Variants in CRHR1 observed in about 807,000 individuals in gnomAD.
CRHR1 encodes corticotropin releasing hormone receptor 1, also known as corticotropin-releasing hormone receptor 1.
Under a neutral mutation model 56.0 loss-of-function variants are expected in CRHR1, and 28 were observed. That is an observed-to-expected ratio of 0.50 (90% CI 0.37 to 0.69). The LOEUF (loss-of-function observed/expected upper bound fraction) is 0.69, where lower values mean the gene tolerates loss of function less well. Among genes scored for constraint, CRHR1 ranks in the 30% least tolerant of loss-of-function variants. The pLI, the probability that CRHR1 is intolerant of heterozygous loss-of-function variation, is 0.00. For missense variants in CRHR1, 376 were observed against 548.0 expected (o/e 0.69, Z 3.13); for synonymous variants, 195 against 216.5 (o/e 0.90, Z 0.87).
rs1043118565 is a variant in CRHR1, at chr17:45,834,807, G to A, written c.*43G>A. On this transcript the variant is annotated 3_prime_UTR_variant, in exon 13 of 13. Coordinates refer to ENST00000314537, the MANE Select transcript of CRHR1 (RefSeq NM_004382.5). ...CAGCCCCCAAAGAGCTGTGGCTGGG[G>A]GGATGACGGCCAGGCTCCCTGACCA... 5 of 1,611,100 alleles carry A rather than the reference G, an allele frequency of 3.1e-6. No individual in the cohort carries two copies. In the East Asian group the frequency reaches 8.9e-5, roughly 29 times the overall value.
rs544440822 is a variant in CRHR1, at chr17:45,830,152, C to T, written c.493C>T (p.Arg165Cys). The T allele has an allele frequency of 1.2e-5, 20 of 1,614,024 alleles. No homozygotes were observed. Among genetic ancestry groups the T allele is most frequent in the African/African-American group, 6.7e-5 (5 of 74,922 alleles). Residue 165 changes from arginine (R) to cysteine (C), a missense_variant, in exon 6 of 13, where the codon CGC (arginine) becomes TGC (cysteine). Physicochemically the swap from Arg to Cys is radical, Grantham distance 180. Coordinates refer to ENST00000314537, the MANE Select transcript of CRHR1 (RefSeq NM_004382.5). ...HWNLISAFIL[R>C]NATWFVVQLT... Reference sequence around the variant, plus strand: ...GAACCTCATCTCCGCCTTCATCCTGCGCAACGCCACCTGGTTCGTGGTCCA... The same window carrying T: ...GAACCTCATCTCCGCCTTCATCCTGTGCAACGCCACCTGGTTCGTGGTCCA...
chr17:45,833,888 G>A, intron 11 of CRHR1, 39 bp downstream of exon 11: 2 of 1,612,416 alleles, frequency 1.2e-6, no homozygotes, highest in South Asian at 1.1e-5. Context: ...CTCCTTGGGT[G>A]GGGATTCTGC....
At chr17:45,814,746 C>A (rs1051846538) in intron 2 of CRHR1, among the ~76,000 whole-genome samples, 6 of 152,260 alleles carry the variant, frequency 3.9e-5, no homozygotes, top group Non-Finnish European at 1.5e-5. Context: ...CACTCCACTG[C>A]TTCCACTGCC....
intron 2 of CRHR1, among the ~76,000 whole-genome samples, chr17:45,812,217 AG>A (rs1344296530): frequency 6.6e-5 from 10 of 152,228 alleles, no homozygotes; most frequent in Non-Finnish European, 1.5e-4. Context: ...TCAAGAAAAA[AG>A]TCTGTACGTG....
At chr17:45,794,088 C>G (rs1344748497) in intron 1 of CRHR1, among the ~76,000 whole-genome samples, 2 of 152,216 alleles carry the variant, frequency 1.3e-5, no homozygotes, top group African/African-American at 2.4e-5. Context: ...GCAGGGCTCT[C>G]AAACCAGCTG....
intron 2 of CRHR1, among the ~76,000 whole-genome samples, chr17:45,813,833 C>T (rs2061872902): frequency 6.6e-6 from 1 of 152,248 alleles, no homozygotes; most frequent in African/African-American, 2.4e-5. Context: ...GGGAACCATA[C>T]CACAGAGGAG....
Position 45,834,962 on chromosome 17 carries a change from T to C in CRHR1, c.*198T>C. 1.4e-6 allele frequency: 1 copy of C among 707,270 alleles called. No homozygotes were observed. Among genetic ancestry groups the C allele is most frequent in the East Asian group, 2.7e-5 (1 of 36,446 alleles). 43.8% of individuals were successfully genotyped at this position (707,270 alleles called of 1,614,324 possible). A position where few individuals can be genotyped will look rare whatever the true frequency, so the allele number is the denominator to read the frequency against. On this transcript the variant is annotated 3_prime_UTR_variant, in exon 13 of 13. Coordinates refer to ENST00000314537, the MANE Select transcript of CRHR1 (RefSeq NM_004382.5). The stretch of plus-strand genomic sequence containing the variant: ...TCTAGCTCATGAGTGGAAAGTCACC[T>C]ACAGGACTGGGCCGGGCCCAGGGCC...
chr17:45,821,323 C>T, intron 3 of CRHR1, 32 bp from the exon 4 acceptor site: 1 of 1,606,308 alleles, frequency 6.2e-7, no homozygotes, highest in Non-Finnish European at 8.5e-7. Context: ...CGGGGCTGCC[C>T]CGCCATCACT....
rs1598446922 is a variant in CRHR1, at chr17:45,830,355, G to T, written c.556-62G>T. 2.5e-6 allele frequency: 4 copies of T among 1,580,180 alleles called. No individual in the cohort carries two copies. In the East Asian group the frequency reaches 9.0e-5, roughly 35 times the overall value. The stretch of plus-strand genomic sequence containing the variant: ...CCTGTCCTGCCCTGGGGAGGCCCAG[G>T]CCCAGGGTTTGGTGCCTCCCCTGCC... On this transcript the variant is annotated intron_variant, in intron 6 of 12. Transcript: ENST00000314537.
intron 1 of CRHR1, among the ~76,000 whole-genome samples, chr17:45,794,024 C>G (rs1379007771): frequency 6.6e-6 from 1 of 152,224 alleles, no homozygotes; most frequent in East Asian, 1.9e-4. Flanking sequence ...GACCCGCCTC[C>G]TCCATGAGGC....
At position 45,830,110 on chromosome 17, in the gene CRHR1, C is replaced by A. The variant is rs760851204; in HGVS notation, c.451C>A (p.Arg151=). The A allele has an allele frequency of 2.5e-6, 4 of 1,613,948 alleles. No homozygotes were observed. The South Asian group carries it at 3.3e-5, about 13-fold the overall frequency. The change falls in exon 6 of 13, where the codon CGA becomes AGA. Residue 151 remains arginine, a synonymous_variant. Coordinates refer to ENST00000314537, the MANE Select transcript of CRHR1 (RefSeq NM_004382.5). ...FLRLRSIRCL[R]NIIHWNLISA... ...CTGCACCAGGAGCATCCGGTGCCTG[C>A]GAAACATCATCCACTGGAACCTCAT...
intron 1 of CRHR1, chr17:45,800,383 G>A (rs2061600906): frequency 6.6e-6 from 1 of 152,226 alleles, no homozygotes; most frequent in Non-Finnish European, 1.5e-5. Context: ...GCCTCCCCCA[G>A]GGCCCGGAAG....
chr17:45,792,995 G>A (rs1446020614), intron 1 of CRHR1, among the ~76,000 whole-genome samples: 1 of 152,216 alleles, frequency 6.6e-6, no homozygotes, highest in East Asian at 1.9e-4. Flanking sequence ...CACAGTAGGT[G>A]CACAGTAGAT....
rs748061102 is a variant in CRHR1 at position 45,830,974 on chromosome 17, G to T, written c.770+34G>T. On this transcript the variant is annotated intron_variant, in intron 8 of 12. Coordinates refer to ENST00000314537, the MANE Select transcript of CRHR1 (RefSeq NM_004382.5). ...TCTCCTTTCCCTTCCTGACCCCAAG[G>T]TTTAGGCTCCCAGCCCAGCTTGGTG... The T allele has an allele frequency of 3.1e-6, 5 of 1,607,982 alleles. No individual in the cohort carries two copies. In the South Asian group the frequency reaches 4.4e-5, roughly 14 times the overall value.
Position 45,834,851 on chromosome 17 carries a change from C to T in CRHR1, c.*87C>T. On this transcript the variant is annotated 3_prime_UTR_variant, in exon 13 of 13. Coordinates refer to ENST00000314537, the MANE Select transcript of CRHR1 (RefSeq NM_004382.5). Reference sequence around the variant, plus strand: ...CTGACCACCCTGCCTGTGGAGGTGACCTGTTAGGTCTCATGCCCACTCCCC... The same window carrying T: ...CTGACCACCCTGCCTGTGGAGGTGATCTGTTAGGTCTCATGCCCACTCCCC... 6.4e-7 allele frequency: 1 copy of T among 1,564,566 alleles called. No homozygotes were observed. The highest frequency in any genetic ancestry group is 8.7e-7 in the Non-Finnish European group (1 of 1,148,440).
At chr17:45,833,398 C>G in intron 9 of CRHR1, 54 bp from the exon 10 acceptor site, 1 of 1,582,636 alleles carries the variant, frequency 6.3e-7, no homozygotes, top group Admixed American at 1.7e-5. Flanking sequence ...AGCTGAGAAG[C>G]CTGGGTCCCA....
chr17:45,795,978 C>A (rs1036023981), intron 1 of CRHR1, among the ~76,000 whole-genome samples: 2 of 152,204 alleles, frequency 1.3e-5, no homozygotes, highest in African/African-American at 2.4e-5. Context: ...AGCCCCAAAG[C>A]CTTTAGCATT....
At position 45,807,726 on chromosome 17, in the gene CRHR1, C is replaced by T. The variant is rs574088518; in HGVS notation, c.121+629C>T. On this transcript the variant is annotated intron_variant, in intron 2 of 12. Coordinates refer to ENST00000314537, the MANE Select transcript of CRHR1 (RefSeq NM_004382.5). ...CTCTGTATCTCTCCAATAGAAAAGA[C>T]AGCATAGCTGCAAATATTATTAATA... Among the ~76,000 whole-genome samples the T allele has an allele frequency of 2.3e-4, 35 of 152,362 alleles. No individual in the cohort carries two copies. The East Asian group carries it at 4.8e-3, about 21-fold the overall frequency.
At chr17:45,801,179 C>G (rs2061614337) in intron 1 of CRHR1, among the ~76,000 whole-genome samples, 1 of 152,150 alleles carries the variant, frequency 6.6e-6, no homozygotes, top group Non-Finnish European at 1.5e-5. Context: ...TGGCCCTCCA[C>G]CCCCTCCACA....
Sources: allele counts gnomAD v4.1 joint callset (sites outside exome capture counted in the v4.1 genomes callset), GRCh38; gene constraint gnomAD v4.1.1; transcripts MANE v1.5; gene names NCBI Gene and HGNC (gene_info 2026-07-23, HGNC 2026-07-21).